The following CCDC68 variants were observed in gnomAD, a reference collection of about 807,000 sequenced individuals.
The protein encoded by CCDC68 is coiled-coil domain containing 68.
A neutral mutation model predicts 47.1 loss-of-function variants in CCDC68; 45 were observed. The ratio of observed to expected loss-of-function variants is 0.96; its 90% CI spans 0.75 to 1.23. The LOEUF is 1.23. Among genes scored for constraint, CCDC68 ranks in the 50% most tolerant of loss-of-function variants. CCDC68 has a pLI of 0.00. For synonymous variants in CCDC68, 131 were observed against 129.5 expected, an observed-to-expected ratio of 1.01 and a Z score of -0.08; for missense variants, 353 against 373.6, an observed-to-expected ratio of 0.94 and a Z score of 0.45.
chr18:54,925,054 G>A (rs758161649), intron 8 of CCDC68, among the ~76,000 whole-genome samples: 4 of 152,124 alleles, frequency 2.6e-5, no homozygotes, highest in Non-Finnish European at 5.9e-5. Flanking sequence ...TGGCTTTATA[G>A]ATAGATAAGA....
At chr18:54,946,223 T>C (rs2044523361) in intron 1 of CCDC68, among the ~76,000 whole-genome samples, 1 of 152,220 alleles carries the variant, frequency 6.6e-6, no homozygotes. Flanking sequence ...CATGTACATA[T>C]CTTTTATGTC....
intron 7 of CCDC68, 86 bp downstream of exon 7, chr18:54,934,734 A>G (rs1218935093): frequency 6.4e-6 from 6 of 944,256 alleles, no homozygotes; most frequent in Non-Finnish European, 8.7e-6. Context: ...ATTTAATTTA[A>G]TATCCTATTT....
At chr18:54,922,581 G>A (rs940732967) in intron 8 of CCDC68, among the ~76,000 whole-genome samples, 4 of 152,110 alleles carry the variant, frequency 2.6e-5, no homozygotes, top group African/African-American at 9.7e-5. Context: ...GGCCAGGCAT[G>A]GTGGCTCACG....
At chr18:54,951,484 A>G (rs1288905023) in intron 1 of CCDC68, among the ~76,000 whole-genome samples, 1 of 152,184 alleles carries the variant, frequency 6.6e-6, no homozygotes, top group East Asian at 1.9e-4. Flanking sequence ...GCAGATGAAG[A>G]AACAAGGCTC....
chr18:54,935,062 G>A, intron 6 of CCDC68, 114 bp from the exon 7 acceptor site: 10 of 726,770 alleles, frequency 1.4e-5, no homozygotes, highest in Non-Finnish European at 2.0e-5. Flanking sequence ...ATTCATACTT[G>A]TTTAGAATTA....
intron 10 of CCDC68, among the ~76,000 whole-genome samples, chr18:54,911,246 C>T (rs1200204905): frequency 6.6e-6 from 1 of 151,962 alleles, no homozygotes; most frequent in East Asian, 1.9e-4. Context: ...GACAGGGTTT[C>T]ACCATGTTGG....
At chr18:54,909,797 C>T (rs1343055570) in intron 10 of CCDC68, among the ~76,000 whole-genome samples, 2 of 152,218 alleles carry the variant, frequency 1.3e-5, no homozygotes, top group Admixed American at 1.3e-4. Context: ...CACGGTGGCA[C>T]CCAGAAGCTT....
chr18:54,935,000 A>G (rs2044320762), intron 6 of CCDC68, 52 bp from the exon 7 acceptor site: 1 of 1,391,664 alleles, frequency 7.2e-7, no homozygotes, highest in Non-Finnish European at 9.4e-7. Context: ...TCTTAAACCT[A>G]TACACATATT....
chr18:54,917,569 T>C (rs1335382610), intron 10 of CCDC68, among the ~76,000 whole-genome samples: 1 of 152,156 alleles, frequency 6.6e-6, no homozygotes, highest in Non-Finnish European at 1.5e-5. Flanking sequence ...TTTTAAACAC[T>C]TCATAATTTA....
rs570320241 is a variant in CCDC68 at position 54,956,001 on chromosome 18, T to C, written c.-103+3335A>G. On this transcript the variant is annotated intron_variant, in intron 1 of 11. Coordinates refer to ENST00000591504, the MANE Select transcript of CCDC68 (RefSeq NM_025214.3). ...AGCCTCCCAAATTGCTGGGGAAAAT[T>C]AGAAGTTCAGACGAGTCTTGCTCTG... 3.3e-5 allele frequency among the ~76,000 whole-genome samples: 5 copies of C among 151,186 alleles called. No individual in the cohort carries two copies. In the South Asian group the frequency reaches 1.1e-3, roughly 32 times the overall value.
chr18:54,938,528 A>T (rs1158443385), intron 4 of CCDC68, among the ~76,000 whole-genome samples: 2 of 152,240 alleles, frequency 1.3e-5, no homozygotes, highest in Non-Finnish European at 2.9e-5. Context: ...CACTGTAATT[A>T]CCTCATATTA....
At chr18:54,905,432 A>AGGAAGGAAGGAAGGAAGGAAGGAAG (rs1303180219) in intron 11 of CCDC68, among the ~76,000 whole-genome samples, 1 of 149,748 alleles carries the variant, frequency 6.7e-6, no homozygotes, top group African/African-American at 2.5e-5. Flanking sequence ...GAAGGAAGGA[A>AGGAAGGAAGGAAGGAAGGAAGGAAG]GATCTATATG....
chr18:54,945,304 TA>T, intron 2 of CCDC68, 83 bp downstream of exon 2: 1 of 152,256 alleles, frequency 6.6e-6, no homozygotes, highest in East Asian at 1.9e-4. Context: ...TAAACTATAA[TA>T]AAAAGCCCTG....
intron 10 of CCDC68, among the ~76,000 whole-genome samples, chr18:54,914,238 G>A (rs770558643): frequency 6.6e-6 from 1 of 152,164 alleles, no homozygotes; most frequent in Non-Finnish European, 1.5e-5. Context: ...AGATTTATCT[G>A]TTGAAGAAAA....
intron 10 of CCDC68, among the ~76,000 whole-genome samples, chr18:54,916,653 C>T: frequency 6.6e-6 from 1 of 152,098 alleles, no homozygotes; most frequent in East Asian, 1.9e-4. Context: ...GCTGTGGGGT[C>T]TTCAGAGGAG....
chr18:54,923,497 G>A (rs76471827), intron 8 of CCDC68, among the ~76,000 whole-genome samples: 1 of 151,330 alleles, frequency 6.6e-6, no homozygotes, highest in Admixed American at 6.6e-5. Flanking sequence ...ATTTCTAGAA[G>A]CACTCTTGAA....
intron 1 of CCDC68, among the ~76,000 whole-genome samples, chr18:54,956,408 T>C (rs1254768391): frequency 6.6e-6 from 1 of 152,118 alleles, no homozygotes; most frequent in Non-Finnish European, 1.5e-5. Context: ...TAGAAGAGAG[T>C]CAAAGCACCA....
At chr18:54,940,873 T>TA (rs1411829494) in intron 4 of CCDC68, 124 bp downstream of exon 4, 3 of 659,316 alleles carry the variant, frequency 4.6e-6, no homozygotes, top group Non-Finnish European at 7.9e-6. Context: ...CATTAACGTC[T>TA]TTAGATATGC....
intron 10 of CCDC68, among the ~76,000 whole-genome samples, chr18:54,910,849 T>C (rs759554702): frequency 9.3e-4 from 142 of 152,168 alleles, no homozygotes; most frequent in African/African-American, 1.7e-3. Flanking sequence ...TGCTCCGAGA[T>C]TGGGGAGGGT....
Sources: allele counts gnomAD v4.1 joint callset (sites outside exome capture counted in the v4.1 genomes callset), GRCh38; gene constraint gnomAD v4.1.1; transcripts MANE v1.5; gene names NCBI Gene and HGNC (gene_info 2026-07-23, HGNC 2026-07-21).